Variants in WHRN observed in about 807,000 individuals in gnomAD.
The protein encoded by WHRN is whirlin, also known as CASK-interacting protein CIP98.
WHRN carries 41 observed loss-of-function variants against 68.3 expected under a neutral mutation model. The ratio of observed to expected loss-of-function variants is 0.60; its 90% CI spans 0.47 to 0.78. The LOEUF is 0.78. Ranked by LOEUF, WHRN falls within the 30% of genes least tolerant of loss-of-function variation. The pLI is 0.00. For missense variants in WHRN, 1,243 were observed against 1,244.7 expected (o/e 1.00, Z 0.02); for synonymous variants, 560 against 561.3 (o/e 1.00, Z 0.03).
rs978589139 is a variant in WHRN at position 114,402,670 on chromosome 9, C to A, written c.*84G>T. On this transcript the variant is annotated 3_prime_UTR_variant, in exon 12 of 12. Transcript: ENST00000362057. ...CACCCTGGCCATGCAGCCCCAACCC[C>A]GCAAGGAGCTTGATGAAGCCAACGG... 1 of 1,568,884 alleles carries A rather than the reference C, an allele frequency of 6.4e-7. No individual in the cohort carries two copies. Among genetic ancestry groups the A allele is most frequent in the Non-Finnish European group, 8.7e-7 (1 of 1,145,256 alleles).
intron 1 of WHRN, among the ~76,000 whole-genome samples, chr9:114,479,865 C>T (rs1841964137): frequency 6.6e-6 from 1 of 152,086 alleles, no homozygotes; most frequent in Non-Finnish European, 1.5e-5. Flanking sequence ...GAGTTCAAAA[C>T]CACCCTGGCC....
In WHRN at chr9:114,428,237, G is replaced by T. The variant is rs370673225; in HGVS notation, c.964-1824C>A. Reference sequence around the variant, plus strand: ...GCTACTCGGGAGGCTGAGGCAGGAGGATTGCTTGAACCCTGGAGGCAGAGA... The same window carrying T: ...GCTACTCGGGAGGCTGAGGCAGGAGTATTGCTTGAACCCTGGAGGCAGAGA... On this transcript the variant is annotated intron_variant, in intron 3 of 11. Coordinates refer to ENST00000362057, the MANE Select transcript of WHRN (RefSeq NM_015404.4). Among the ~76,000 whole-genome samples, 333 of 152,292 alleles carry T rather than the reference G, an allele frequency of 2.2e-3. 1 individual carries two copies. Among genetic ancestry groups the T allele is most frequent in the Non-Finnish European group, 3.9e-3 (264 of 68,028 alleles).
rs1835071299 is a variant in WHRN, at chr9:114,406,825, G to A, written c.1766C>T (p.Ala589Val). 1 of 1,609,504 alleles carries A rather than the reference G, an allele frequency of 6.2e-7. No individual in the cohort carries two copies. Among genetic ancestry groups the A allele is most frequent in the Non-Finnish European group, 8.5e-7 (1 of 1,177,866 alleles). ...FKPLPRPPPL[A>V]QGNDLPLGQP... is the part of the protein sequence containing the mutation. ...GCCTAGTGGGAGGTCGTTGCCTTGG[G>A]CCAGAGGTGGTGGGCGAGGCAGTGG... Residue 589 changes from alanine to valine, a missense_variant, in exon 9 of 12, where the codon GCC becomes GTC. Coordinates refer to ENST00000362057, the MANE Select transcript of WHRN (RefSeq NM_015404.4).
At chr9:114,416,901 T>C (rs552769565) in intron 7 of WHRN, among the ~76,000 whole-genome samples, 1 of 152,358 alleles carries the variant, frequency 6.6e-6, no homozygotes, top group Admixed American at 6.5e-5. Flanking sequence ...ACAAGTCATC[T>C]GCCCAAGGTG....
chr9:114,480,411 T>C (rs961962591), intron 1 of WHRN, among the ~76,000 whole-genome samples: 3 of 152,114 alleles, frequency 2.0e-5, no homozygotes, highest in African/African-American at 4.8e-5. Flanking sequence ...ATGAGGCCTT[T>C]AGGGGGTAAC....
chr9:114,452,758 T>G (rs1280122095), intron 3 of WHRN, among the ~76,000 whole-genome samples: 1 of 152,104 alleles, frequency 6.6e-6, no homozygotes, highest in African/African-American at 2.4e-5. Context: ...CATCTTCAGC[T>G]CCTCCCTGAT....
At chr9:114,441,530 G>A (rs1838374251) in intron 3 of WHRN, among the ~76,000 whole-genome samples, 1 of 152,202 alleles carries the variant, frequency 6.6e-6, no homozygotes, top group African/African-American at 2.4e-5. Flanking sequence ...GGCAGGAAAA[G>A]TACAAGATGA....
chr9:114,467,119 C>CG (rs1840776922), intron 2 of WHRN, among the ~76,000 whole-genome samples: 3 of 150,930 alleles, frequency 2.0e-5, no homozygotes, highest in Admixed American at 6.6e-5. Flanking sequence ...CCTATTTCTC[C>CG]TGGGGTCTCC....
At position 114,466,163 on chromosome 9, in the gene WHRN, C is replaced by G. The variant is rs895827289; in HGVS notation, c.963+104G>C. On this transcript the variant is annotated intron_variant, in intron 3 of 11. Coordinates refer to ENST00000362057, the MANE Select transcript of WHRN (RefSeq NM_015404.4). Reference sequence around the variant, plus strand: ...CCAGGGAGGGCTCCCCAGCTGGGACCAGTCCTCAAGGTGGAGTGCTGATTG... The same window carrying G: ...CCAGGGAGGGCTCCCCAGCTGGGACGAGTCCTCAAGGTGGAGTGCTGATTG... 9 of 1,565,676 alleles carry G rather than the reference C, an allele frequency of 5.7e-6. No homozygotes were observed. The Admixed American group carries it at 1.0e-4, about 17-fold the overall frequency.
chr9:114,502,024 A>C (rs1217537279), intron 1 of WHRN, among the ~76,000 whole-genome samples: 1 of 152,206 alleles, frequency 6.6e-6, no homozygotes, highest in Non-Finnish European at 1.5e-5. Flanking sequence ...TCAGGGAAGA[A>C]GTTCCGCCTC....
chr9:114,410,567 A>G (rs184286822), intron 7 of WHRN, among the ~76,000 whole-genome samples: 6 of 152,308 alleles, frequency 3.9e-5, no homozygotes, highest in Admixed American at 3.9e-4. Context: ...AGACAGAGAG[A>G]GGCCAGTCAT....
chr9:114,423,171 G>A (rs931742060), intron 7 of WHRN, 143 bp downstream of exon 7: 1 of 871,994 alleles, frequency 1.1e-6, no homozygotes, highest in Non-Finnish European at 1.9e-6. Flanking sequence ...TTTTACAGAG[G>A]AAGAAACTGA....
intron 1 of WHRN, among the ~76,000 whole-genome samples, chr9:114,497,721 G>C (rs1164483863): frequency 6.6e-6 from 1 of 152,240 alleles, no homozygotes; most frequent in East Asian, 1.9e-4. Context: ...CTAGCTGAAA[G>C]GGTCTTGTAG....
chr9:114,475,919 C>T (rs1841612200), intron 2 of WHRN, among the ~76,000 whole-genome samples: 1 of 152,168 alleles, frequency 6.6e-6, no homozygotes, highest in African/African-American at 2.4e-5. Context: ...CTGCCTCCTT[C>T]GGTATCTGGG....
Position 114,417,768 on chromosome 9 carries a change from TTCTC to T in WHRN, c.1626+5542_1626+5545del, listed in dbSNP as rs1158578166. On this transcript the variant is annotated intron_variant, in intron 7 of 11. Coordinates refer to ENST00000362057, the MANE Select transcript of WHRN (RefSeq NM_015404.4). Reference sequence around the variant, plus strand: ...AATAAAGGTGATTATTTCAAGCTCTTTCTCTCTCTGGAGGAATGCTGCAGTCCTT... The same window carrying T: ...AATAAAGGTGATTATTTCAAGCTCTTTCTCTGGAGGAATGCTGCAGTCCTT... Among the ~76,000 whole-genome samples the T allele has an allele frequency of 3.3e-5, 5 of 152,380 alleles. No individual in the cohort carries two copies. In the East Asian group the frequency reaches 7.7e-4, roughly 23 times the overall value.
Position 114,406,576 on chromosome 9 carries a change from A to G in WHRN, c.2015T>C (p.Val672Ala), listed in dbSNP as rs776418423. The stretch of plus-strand genomic sequence containing the variant: ...GAAGGGGCCGATGGGGTGTTGGTTG[A>G]CCAGGGCCAGATGGGCGTCCAGCGG... ...KRPLDAHLALVNQHPIGPFPR... is the reference protein window; with the variant it reads ...KRPLDAHLALANQHPIGPFPR... Residue 672 changes from valine (V) to alanine (A), a missense_variant, in exon 9 of 12, where the codon GTC (valine) becomes GCC (alanine). By Grantham distance (64) the Val-to-Ala change is moderately conservative (BLOSUM62 0). Coordinates refer to ENST00000362057, the MANE Select transcript of WHRN (RefSeq NM_015404.4). 6.2e-7 allele frequency: 1 copy of G among 1,611,072 alleles called. No homozygotes were observed. Among genetic ancestry groups the G allele is most frequent in the South Asian group, 1.1e-5 (1 of 90,974 alleles).
At chr9:114,468,427 T>G (rs1371826408) in intron 2 of WHRN, among the ~76,000 whole-genome samples, 1 of 152,160 alleles carries the variant, frequency 6.6e-6, no homozygotes, top group Non-Finnish European at 1.5e-5. Flanking sequence ...GGACCCTATC[T>G]GGGACCACTG....
In WHRN at chr9:114,407,658, C is replaced by T. The variant is rs139383787; in HGVS notation, c.1698+289G>A. On this transcript the variant is annotated intron_variant, in intron 8 of 11. Coordinates refer to ENST00000362057, the MANE Select transcript of WHRN (RefSeq NM_015404.4). ...ATGATCATCATCCCCACTTTACCGACGGGGAAACTGAGGCACAGAGAGGCT... is the reference window on the plus strand; with the variant it reads ...ATGATCATCATCCCCACTTTACCGATGGGGAAACTGAGGCACAGAGAGGCT... Among the ~76,000 whole-genome samples the T allele has an allele frequency of 2.8e-3, 421 of 151,582 alleles. 5 individuals carry two copies. Among genetic ancestry groups the T allele is most frequent in the South Asian group, 0.011 (54 of 4,738 alleles).
rs182820295 is a variant in WHRN, at chr9:114,488,926, C to T, written c.619-10155G>A. On this transcript the variant is annotated intron_variant, in intron 1 of 11. Transcript: ENST00000362057. The stretch of plus-strand genomic sequence containing the variant: ...AAACATACGTGGACTCTGACCCTTC[C>T]CTGCCCCAAACTCTCCCCATTGCTT... Among the ~76,000 whole-genome samples, 24 of 152,240 alleles carry T rather than the reference C, an allele frequency of 1.6e-4. 1 individual carries two copies. Among genetic ancestry groups the T allele is most frequent in the Admixed American group, 1.2e-3 (19 of 15,292 alleles).
Sources: allele counts gnomAD v4.1 joint callset (sites outside exome capture counted in the v4.1 genomes callset), GRCh38; gene constraint gnomAD v4.1.1; transcripts MANE v1.5; gene names NCBI Gene and HGNC (gene_info 2026-07-23, HGNC 2026-07-21).